Variants in NBPF9 observed in about 807,000 individuals in gnomAD.
The protein encoded by NBPF9 is NBPF member 9.
In NBPF9, 91 loss-of-function variants were observed where a neutral mutation model predicts 97.8. That is an observed-to-expected ratio of 0.93 (90% CI 0.79 to 1.11). The LOEUF is 1.11. Among genes scored for constraint, NBPF9 ranks in the 50% least tolerant of loss-of-function variants. The pLI is 0.00. For synonymous variants in NBPF9, 334 were observed against 359.5 expected (o/e 0.93, Z 0.80); for missense variants, 992 against 939.5 (o/e 1.06, Z -0.73).
chr1:149,093,493 C>G (rs1380610440), intron 4 of NBPF9, among the ~76,000 whole-genome samples: 2 of 150,940 alleles, frequency 1.3e-5, no homozygotes, highest in Admixed American at 6.6e-5. Context: ...TTCAGACTAT[C>G]ACATGGGGAG....
At chr1:149,064,108 C>G (rs1324036813) in intron 19 of NBPF9, among the ~76,000 whole-genome samples, 1 of 138,768 alleles carries the variant, frequency 7.2e-6, no homozygotes, top group Admixed American at 7.3e-5. Context: ...TATTTGTGCT[C>G]TCAGGACACA....
chr1:149,055,853 C>T lies in NBPF9; in HGVS notation c.3139G>A (p.Asp1047Asn), dbSNP rs1383006725. Reference sequence around the variant, plus strand: ...GTAGAATAACATCCATCCAGTGAGTCCTGCAAGACTTCAGGCTCTTCCACT... The same window carrying T: ...GTAGAATAACATCCATCCAGTGAGTTCTGCAAGACTTCAGGCTCTTCCACT... The change falls in exon 30 of 30, where the codon GAC becomes AAC. Residue 1047 changes from aspartate to asparagine, a missense_variant. This residue lies in a region of NBPF9 where 397 missense variants were observed against 213.6 expected (regional missense o/e 1.86). Transcript: ENST00000584027. The T allele has an allele frequency of 1.2e-6, 2 of 1,606,642 alleles. 1 individual carries two copies. The highest frequency in any genetic ancestry group is 4.7e-5 in the East Asian group (2 of 42,414).
At chr1:149,057,693 A>G (rs2078294854) in intron 27 of NBPF9, among the ~76,000 whole-genome samples, 186 bp from the exon 28 acceptor site, 1 of 41,888 alleles carries the variant, frequency 2.4e-5, no homozygotes, top group African/African-American at 6.0e-5. Context: ...AATGAAAGAG[A>G]AAGACAGATA....
intron 4 of NBPF9, among the ~76,000 whole-genome samples, chr1:149,095,569 GA>G (rs1285474690): frequency 1.5e-5 from 2 of 135,758 alleles, no homozygotes; most frequent in African/African-American, 5.4e-5. Flanking sequence ...TAATCTGATG[GA>G]AAAACTGCTG....
In NBPF9 at chr1:149,064,670, C is replaced by T. The variant is rs1284657929; in HGVS notation, c.1802-188G>A. ...AAACTGGCTTGGGTTCTTTCATGAGCCTTGGGCAAAATTCCCCTGTGTTGG... is the reference window on the plus strand; with the variant it reads ...AAACTGGCTTGGGTTCTTTCATGAGTCTTGGGCAAAATTCCCCTGTGTTGG... On this transcript the variant is annotated intron_variant, in intron 18 of 29. Coordinates refer to ENST00000584027, the Ensembl canonical transcript of NBPF9. 11 of 610,924 alleles carry T rather than the reference C, an allele frequency of 1.8e-5. No individual in the cohort carries two copies. In the Admixed American group the frequency reaches 2.0e-4, roughly 11 times the overall value. 37.8% of individuals were successfully genotyped at this position (610,924 alleles called of 1,614,324 possible). A position where few individuals can be genotyped will look rare whatever the true frequency, so the allele number is the denominator to read the frequency against.
intron 14 of NBPF9, 44 bp from the exon 15 acceptor site, chr1:149,071,720 G>T (rs782122583): frequency 2.4e-5 from 26 of 1,061,398 alleles, no homozygotes; most frequent in Admixed American, 5.5e-5. Context: ...CCACTTCACA[G>T]TCTGCAAGCA....
chr1:149,090,126 G>T (rs1469717208), intron 5 of NBPF9: 4 of 150,176 alleles, frequency 2.7e-5, no homozygotes, highest in Admixed American at 1.3e-4. Flanking sequence ...AATGAATTGT[G>T]GGCACAGAAG....
At chr1:149,084,736 G>C (rs1365116354) in intron 5 of NBPF9, among the ~76,000 whole-genome samples, 1 of 151,316 alleles carries the variant, frequency 6.6e-6, no homozygotes, top group South Asian at 2.1e-4. Flanking sequence ...GCCAGCTGAG[G>C]TTGGTGTCCT....
chr1:149,097,086 AAGGAAG>A (rs2081822206), intron 4 of NBPF9, among the ~76,000 whole-genome samples: 1 of 102,324 alleles, frequency 9.8e-6, no homozygotes, highest in African/African-American at 3.6e-5. Flanking sequence ...GGGAGGAAGG[AAGGAAG>A]GAAGGAAGGG....
rs1282586308 is a variant in NBPF9 at position 149,084,448 on chromosome 1, CTTT to C, written c.-194-2021_-194-2019del. Among the ~76,000 whole-genome samples the C allele has an allele frequency of 2.3e-3, 334 of 144,084 alleles. 7 individuals are homozygous for C. The highest frequency in any genetic ancestry group is 0.018 in the Admixed American group (263 of 14,388). The allele number at this position is 144,084 out of a possible 152,430, so 94.5% of individuals were successfully genotyped here. A position where few individuals can be genotyped will look rare whatever the true frequency, so the allele number is the denominator to read the frequency against. On this transcript the variant is annotated intron_variant, in intron 5 of 29. Transcript: ENST00000584027. ...ATATATTATATATATATATATTTTT[CTTT>C]TTTAAGTGGCGGAGCGAGGGCTACT...
intron 16 of NBPF9, among the ~76,000 whole-genome samples, 161 bp downstream of exon 16, chr1:149,070,773 G>A (rs2079341502): frequency 6.6e-6 from 1 of 152,110 alleles, no homozygotes; most frequent in Admixed American, 6.6e-5. Flanking sequence ...GGCAGACAAA[G>A]GCATGACATT....
In NBPF9 at chr1:149,062,353, C is replaced by G. The variant is rs1374894933; in HGVS notation, c.2079-88G>C. ...TAGATTTCATGGCTAACATAAGGAA[C>G]TGTTTAAAAAGAAAAAGGACAGATC... is the stretch of plus-strand genomic sequence containing the variant. On this transcript the variant is annotated intron_variant, in intron 21 of 29. Coordinates refer to ENST00000584027, the Ensembl canonical transcript of NBPF9. The G allele has an allele frequency of 1.3e-5, 8 of 625,078 alleles. No individual in the cohort carries two copies. In the East Asian group the frequency reaches 1.4e-4, roughly 11 times the overall value. 38.7% of individuals were successfully genotyped at this position (625,078 alleles called of 1,614,324 possible).
intron 5 of NBPF9, among the ~76,000 whole-genome samples, chr1:149,089,757 T>G (rs1203371201): frequency 6.6e-6 from 1 of 152,312 alleles, no homozygotes; most frequent in African/African-American, 2.4e-5. Flanking sequence ...AGTTGTATTA[T>G]AAAGGGCTAG....
At chr1:149,085,829 A>C (rs1339646856) in intron 5 of NBPF9, among the ~76,000 whole-genome samples, 3 of 151,958 alleles carry the variant, frequency 2.0e-5, no homozygotes, top group Non-Finnish European at 4.4e-5. Flanking sequence ...GCACGTTTAC[A>C]AATGGATACA....
chr1:149,052,323 A>G (rs2077960783), downstream of NBPF9, among the ~76,000 whole-genome samples: 1 of 152,070 alleles, frequency 6.6e-6, no homozygotes, highest in African/African-American at 2.4e-5. Context: ...GGAGAAAAAC[A>G]GTGGAAATCA....
chr1:149,073,681 C>A (rs1294824351), intron 13 of NBPF9, 87 bp downstream of exon 13: 173 of 1,009,314 alleles, frequency 1.7e-4, no homozygotes, highest in South Asian at 1.3e-3. Flanking sequence ...CCTGGCCCAG[C>A]TTAGCTCTTA....
At chr1:149,070,497 A>G (rs1467589153) in intron 16 of NBPF9, among the ~76,000 whole-genome samples, 1 of 151,578 alleles carries the variant, frequency 6.6e-6, no homozygotes, top group African/African-American at 2.4e-5. Context: ...AAGCAAGCTG[A>G]CTTAAAGGAG....
In NBPF9 at chr1:149,055,404, A is replaced by C. The variant is rs587640750; in HGVS notation, c.*252T>G. On this transcript the variant is annotated 3_prime_UTR_variant, in exon 30 of 30. Coordinates refer to ENST00000584027, the Ensembl canonical transcript of NBPF9. ...AGCTACCCAGAGATACGTGGTTCAAATTAAAATGTCTGACTGATCACTCCC... is the reference window on the plus strand; with the variant it reads ...AGCTACCCAGAGATACGTGGTTCAACTTAAAATGTCTGACTGATCACTCCC... 1,660 of 673,530 alleles carry C rather than the reference A, an allele frequency of 2.5e-3. 3 individuals carry two copies. The highest frequency in any genetic ancestry group is 3.3e-3 in the Non-Finnish European group (1,341 of 410,358). 41.7% of individuals were successfully genotyped at this position (673,530 alleles called of 1,614,324 possible). A position where few individuals can be genotyped will look rare whatever the true frequency, so the allele number is the denominator to read the frequency against.
At chr1:149,086,281 A>T (rs1407977695) in intron 5 of NBPF9, among the ~76,000 whole-genome samples, 1 of 151,992 alleles carries the variant, frequency 6.6e-6, no homozygotes, top group Non-Finnish European at 1.5e-5. Flanking sequence ...TTAAGAGGAA[A>T]AAAAAAAAAA....
Sources: allele counts gnomAD v4.1 joint callset (sites outside exome capture counted in the v4.1 genomes callset), GRCh38; gene constraint gnomAD v4.1.1; regional missense constraint gnomAD v4.1.1; transcripts MANE v1.5; gene names NCBI Gene and HGNC (gene_info 2026-07-23, HGNC 2026-07-21).